XPO1: variants seen among roughly 807,000 people sequenced by gnomAD.
The protein encoded by XPO1 is exportin 1, also known as exportin-1.
In XPO1, 5 loss-of-function variants were observed where a neutral mutation model predicts 133.3. The ratio of observed to expected loss-of-function variants is 0.04; its 90% CI spans 0.02 to 0.08. The LOEUF (loss-of-function observed/expected upper bound fraction) is 0.08, where lower values mean the gene tolerates loss of function less well. XPO1 is among the 10% of genes least tolerant of loss of function. XPO1 has a pLI of 1.00. For synonymous variants in XPO1, 419 were observed against 408.2 expected (o/e 1.03, Z -0.32); for missense variants, 506 against 1,267.5 (o/e 0.40, Z 9.12).
intron 9 of XPO1, among the ~76,000 whole-genome samples, chr2:61,498,399 T>G (rs1189939269): frequency 1.3e-5 from 2 of 152,240 alleles, no homozygotes; most frequent in African/African-American, 4.8e-5. Flanking sequence ...GCACTTGACT[T>G]ACCTCACTGT....
chr2:61,531,386 A>G (rs1036675345), intron 2 of XPO1, among the ~76,000 whole-genome samples: 1 of 152,238 alleles, frequency 6.6e-6, no homozygotes, highest in African/African-American at 2.4e-5. Flanking sequence ...CACTTTTCTT[A>G]ATCTACTTTT....
At chr2:61,522,461 A>AGG in intron 4 of XPO1, 150 bp downstream of exon 4, 2 of 672,112 alleles carry the variant, frequency 3.0e-6, no homozygotes, top group South Asian at 3.8e-5. Flanking sequence ...CCACCAATAC[A>AGG]AACAGACCTG....
At chr2:61,484,400 A>C (rs1696567662) in intron 20 of XPO1, 1 of 285,548 alleles carries the variant, frequency 3.5e-6, no homozygotes. Context: ...TTTGTTTTTA[A>C]TTTGAAATCA....
At chr2:61,498,372 T>A (rs533743553) in intron 9 of XPO1, among the ~76,000 whole-genome samples, 22 of 152,328 alleles carry the variant, frequency 1.4e-4, no homozygotes, top group Admixed American at 3.3e-4. Context: ...AGATGAACTT[T>A]TCATTTTTCA....
intron 2 of XPO1, among the ~76,000 whole-genome samples, chr2:61,529,375 C>T (rs1262467718): frequency 6.6e-6 from 1 of 152,088 alleles, no homozygotes; most frequent in Non-Finnish European, 1.5e-5. Context: ...ATCGTATGCT[C>T]GGGTGGGCAC....
At position 61,504,434 on chromosome 2, in the gene XPO1, T is replaced by C. The variant is rs186611377; in HGVS notation, c.302-2124A>G. On this transcript the variant is annotated intron_variant, in intron 4 of 24. Transcript: ENST00000401558. ...AAGGATATGAAGTAGCAACCCTAAT[T>C]GAACAAATTACTATTTCCTACTACG... is the stretch of plus-strand genomic sequence containing the variant. Among the ~76,000 whole-genome samples, 58 of 152,336 alleles carry C rather than the reference T, an allele frequency of 3.8e-4. 1 individual carries two copies. In the East Asian group the frequency reaches 0.011, roughly 28 times the overall value.
intron 4 of XPO1, among the ~76,000 whole-genome samples, chr2:61,516,313 C>A (rs1389388199): frequency 6.6e-6 from 1 of 150,412 alleles, no homozygotes; most frequent in Non-Finnish European, 1.5e-5. Flanking sequence ...CTCGAAAAAA[C>A]CAAACCAAAC....
intron 4 of XPO1, among the ~76,000 whole-genome samples, chr2:61,518,259 A>T (rs1167291389): frequency 6.6e-6 from 1 of 151,924 alleles, no homozygotes; most frequent in Non-Finnish European, 1.5e-5. Context: ...CATCTTTAAA[A>T]AACAAAGAAA....
Position 61,482,398 on chromosome 2 carries a change from G to T in XPO1, c.2954C>A (p.Ala985Asp). 6.2e-7 allele frequency: 1 copy of T among 1,609,224 alleles called. No individual in the cohort carries two copies. Among genetic ancestry groups the T allele is most frequent in the Non-Finnish European group, 8.5e-7 (1 of 1,178,570 alleles). Reference protein sequence around the residue: ...QEYVANLLKSAFPHLQDAQVK... With the variant: ...QEYVANLLKSDFPHLQDAQVK... ...TATTTACTCTTGTAGGTGAGGGAAG[G>T]CCGACTTAAGGAGATTAGCCACATA... The change falls in exon 23 of 25, where the codon GCC (alanine) becomes GAC (aspartate). Residue 985 changes from alanine to aspartate, a missense_variant. Around this residue, in one of 6 missense-constraint regions of XPO1, gnomAD observed 203 missense variants for 365.9 expected, o/e 0.55. Coordinates refer to ENST00000401558, the MANE Select transcript of XPO1 (RefSeq NM_003400.4).
intron 11 of XPO1, chr2:61,494,397 C>T (rs765748523): frequency 1.4e-5 from 4 of 276,796 alleles, no homozygotes; most frequent in Admixed American, 5.2e-5. Context: ...CCCAAATGTA[C>T]CATCACAGAG....
At chr2:61,491,638 T>C (rs1200770998) in intron 16 of XPO1, among the ~76,000 whole-genome samples, 1 of 152,144 alleles carries the variant, frequency 6.6e-6, no homozygotes. Flanking sequence ...GGCTCACACA[T>C]ATAAAATCAT....
At chr2:61,488,105 C>T in intron 19 of XPO1, 60 bp downstream of exon 19, 1 of 1,422,472 alleles carries the variant, frequency 7.0e-7, no homozygotes, top group South Asian at 1.2e-5. Context: ...TAGAGTATAG[C>T]ATATTCCATA....
intron 1 of XPO1, among the ~76,000 whole-genome samples, chr2:61,534,937 T>C (rs1002631747): frequency 2.0e-5 from 3 of 152,200 alleles, no homozygotes; most frequent in African/African-American, 4.8e-5. Context: ...AAAAACTTTA[T>C]GGGCAATATG....
Position 61,481,298 on chromosome 2 carries a change from A to G in XPO1, c.2973-17T>C, listed in dbSNP as rs761098958. 1.1e-5 allele frequency: 17 copies of G among 1,575,342 alleles called. No individual in the cohort carries two copies. Among genetic ancestry groups the G allele is most frequent in the East Asian group, 2.3e-5 (1 of 44,398 alleles). The stretch of plus-strand genomic sequence containing the variant: ...ACTTGAGCACTGCAAATCAAAACAC[A>G]ATGATTAAATAATGATTTATTTTTC... On this transcript the variant is annotated splice_polypyrimidine_tract_variant and intron_variant, in intron 23 of 24. Transcript: ENST00000401558.
chr2:61,481,033 T>C, intron 24 of XPO1, 152 bp downstream of exon 24: 1 of 472,972 alleles, frequency 2.1e-6, no homozygotes, highest in Non-Finnish European at 3.8e-6. Flanking sequence ...ATTACCAGTC[T>C]CAGGTTTTTT....
In XPO1 at chr2:61,478,696, A is replaced by T; in HGVS notation, c.*124T>A. 2.1e-6 allele frequency: 2 copies of T among 956,402 alleles called. No individual in the cohort carries two copies. The highest frequency in any genetic ancestry group is 4.4e-5 in the South Asian group (2 of 45,306). The allele number at this position is 956,402 out of a possible 1,614,324, so 59.2% of individuals were successfully genotyped here. Reference sequence around the variant, plus strand: ...AATTTCTTATACAAAAAAACACATAAGAAAAAGGGCCACTAGGTGACATTT... The same window carrying T: ...AATTTCTTATACAAAAAAACACATATGAAAAAGGGCCACTAGGTGACATTT... On this transcript the variant is annotated 3_prime_UTR_variant, in exon 25 of 25. Coordinates refer to ENST00000401558, the MANE Select transcript of XPO1 (RefSeq NM_003400.4).
chr2:61,516,831 TC>T lies in XPO1; in HGVS notation c.301+5779del, dbSNP rs1227029300. Among the ~76,000 whole-genome samples the T allele has an allele frequency of 6.6e-5, 10 of 152,206 alleles. No homozygotes were observed. The East Asian group carries it at 1.5e-3, about 23-fold the overall frequency. ...AAATACCTTTATATAGCATCATCTT[TC>T]CCCCCAACAGGAACAAAGGAGGCTT... On this transcript the variant is annotated intron_variant, in intron 4 of 24. Transcript: ENST00000401558.
chr2:61,496,757 T>C, intron 10 of XPO1, 122 bp downstream of exon 10: 1 of 1,160,848 alleles, frequency 8.6e-7, no homozygotes, highest in Non-Finnish European at 1.1e-6. Context: ...ACAAATTTTA[T>C]GTAATAAACA....
At chr2:61,508,499 T>C (rs1358735043) in intron 4 of XPO1, among the ~76,000 whole-genome samples, 1 of 152,184 alleles carries the variant, frequency 6.6e-6, no homozygotes, top group East Asian at 1.9e-4. Flanking sequence ...TGCAACTGCA[T>C]AGTATCAACT....
Sources: gnomAD v4.1 joint callset for allele counts (sites outside exome capture counted in the v4.1 genomes callset) on GRCh38, gnomAD v4.1.1 for gene constraint, gnomAD v4.1.1 regional missense constraint, MANE v1.5 for transcripts, NCBI Gene and HGNC (gene_info 2026-07-23, HGNC 2026-07-21) for gene names.